Variants in CDH6 observed in about 807,000 individuals in gnomAD.
CDH6 encodes cadherin-6.
A neutral mutation model predicts 78.0 loss-of-function variants in CDH6; 31 were observed. That is an observed-to-expected ratio of 0.40 (90% CI 0.30 to 0.54). CDH6 has a LOEUF of 0.54. Ranked by LOEUF, CDH6 falls within the 20% of genes least tolerant of loss-of-function variation. The probability of loss-of-function intolerance (pLI) is 0.56; values close to 1 mark genes in which losing one functional copy is unlikely to be tolerated. For synonymous variants in CDH6, 376 were observed against 368.8 expected (o/e 1.02, Z -0.23); for missense variants, 724 against 975.9 (o/e 0.74, Z 3.44).
At chr5:31,269,832 CCTG>C (rs1742471194) in intron 2 of CDH6, among the ~76,000 whole-genome samples, 1 of 152,088 alleles carries the variant, frequency 6.6e-6, no homozygotes, top group Admixed American at 6.5e-5. Flanking sequence ...CCTGTCCTTC[CCTG>C]CTGCCCCTCC....
At chr5:31,225,141 G>A (rs1456270873) in intron 1 of CDH6, among the ~76,000 whole-genome samples, 1 of 152,202 alleles carries the variant, frequency 6.6e-6, no homozygotes, top group Non-Finnish European at 1.5e-5. Context: ...CTGAGGTTTT[G>A]AAACCCTGTT....
intron 1 of CDH6, among the ~76,000 whole-genome samples, chr5:31,220,847 G>T (rs936210674): frequency 2.6e-5 from 4 of 152,182 alleles, no homozygotes; most frequent in African/African-American, 2.4e-5. Flanking sequence ...GTCCCAGGAA[G>T]AGGGGTCAGC....
At chr5:31,313,796 TG>T (rs1738223905) in intron 8 of CDH6, among the ~76,000 whole-genome samples, 1 of 53,656 alleles carries the variant, frequency 1.9e-5, no homozygotes. Flanking sequence ...AGTCAGACAC[TG>T]TGTGTGGGGG....
intron 3 of CDH6, among the ~76,000 whole-genome samples, chr5:31,296,186 A>G (rs1038349420): frequency 3.3e-5 from 5 of 152,128 alleles, no homozygotes; most frequent in African/African-American, 4.8e-5. Context: ...TACCCCTTTC[A>G]TGGAAAGGGG....
intron 1 of CDH6, among the ~76,000 whole-genome samples, chr5:31,194,482 G>A (rs372347778): frequency 7.9e-5 from 12 of 152,314 alleles, no homozygotes; most frequent in African/African-American, 2.6e-4. Flanking sequence ...GATTTGGCTG[G>A]TAGAAGGAGC....
rs1738639871 is a variant in CDH6, at chr5:31,327,004, A to C, written c.*3696A>C. On this transcript the variant is annotated 3_prime_UTR_variant, in exon 12 of 12. Coordinates refer to ENST00000265071, the MANE Select transcript of CDH6 (RefSeq NM_004932.4). Reference sequence around the variant, plus strand: ...CCACCGCGCCCGGCCTTAAAAATTGAATCTGTAGCTTAGGCCATCCAAATT... The same window carrying C: ...CCACCGCGCCCGGCCTTAAAAATTGCATCTGTAGCTTAGGCCATCCAAATT... 1 of 174,510 alleles carries C rather than the reference A, an allele frequency of 5.7e-6. No homozygotes were observed. The highest frequency in any genetic ancestry group is 1.2e-5 in the Non-Finnish European group (1 of 80,870). The allele number at this position is 174,510 out of a possible 1,614,324, so 10.8% of individuals were successfully genotyped here.
intron 1 of CDH6, among the ~76,000 whole-genome samples, chr5:31,213,561 T>TA (rs2111812220): frequency 6.6e-6 from 1 of 152,294 alleles, no homozygotes; most frequent in South Asian, 2.1e-4. Context: ...TAAACAGGTT[T>TA]ATGCAGAATG....
In CDH6 at chr5:31,326,631, G is replaced by C. The variant is rs1334627479; in HGVS notation, c.*3323G>C. On this transcript the variant is annotated 3_prime_UTR_variant, in exon 12 of 12. Coordinates refer to ENST00000265071, the MANE Select transcript of CDH6 (RefSeq NM_004932.4). ...TTTTAACGCAGTATAAAAAACGTGTGGTTTAGTTTTTATTTTCAGCTCCCA... is the reference window on the plus strand; with the variant it reads ...TTTTAACGCAGTATAAAAAACGTGTCGTTTAGTTTTTATTTTCAGCTCCCA... 1 of 172,628 alleles carries C rather than the reference G, an allele frequency of 5.8e-6. No individual in the cohort carries two copies. Among genetic ancestry groups the C allele is most frequent in the African/African-American group, 2.4e-5 (1 of 40,902 alleles). The allele number at this position is 172,628 out of a possible 1,614,324, so 10.7% of individuals were successfully genotyped here.
At chr5:31,213,308 A>C (rs1261793347) in intron 1 of CDH6, among the ~76,000 whole-genome samples, 1 of 152,204 alleles carries the variant, frequency 6.6e-6, no homozygotes, top group African/African-American at 2.4e-5. Flanking sequence ...TGCAGAACGG[A>C]TGCATTTTAC....
Position 31,317,759 on chromosome 5 carries a change from A to G in CDH6, c.1717A>G (p.Asn573Asp), listed in dbSNP as rs1738366174. 6.2e-7 allele frequency: 1 copy of G among 1,614,080 alleles called. No individual in the cohort carries two copies. The highest frequency in any genetic ancestry group is 8.5e-7 in the Non-Finnish European group (1 of 1,180,048). Residue 573 changes from asparagine (N) to aspartate (D), a missense_variant, in exon 11 of 12, where the codon AAC becomes GAC. Transcript: ENST00000265071. ...TCTCTTGCCTGTGGTCATTTCAGAC[A>G]ACGACTACCCAGTTCAAAGCAGCAC... ...TYLLPVVISD[N>D]DYPVQSSTGT...
At chr5:31,223,087 A>G (rs770321689) in intron 1 of CDH6, among the ~76,000 whole-genome samples, 1 of 152,016 alleles carries the variant, frequency 6.6e-6, no homozygotes, top group Non-Finnish European at 1.5e-5. Context: ...CTCTCAAGCT[A>G]CACAGTGTCT....
At chr5:31,306,659 A>G (rs1738000464) in intron 7 of CDH6, among the ~76,000 whole-genome samples, 2 of 152,164 alleles carry the variant, frequency 1.3e-5, no homozygotes, top group Non-Finnish European at 1.5e-5. Flanking sequence ...CTTGCCAATG[A>G]GTTCACAAAT....
intron 3 of CDH6, 99 bp from the exon 4 acceptor site, chr5:31,297,190 A>G: frequency 9.7e-7 from 1 of 1,033,706 alleles, no homozygotes; most frequent in Non-Finnish European, 1.5e-6. Flanking sequence ...CCTCAGCATG[A>G]TATTTCCATA....
intron 1 of CDH6, among the ~76,000 whole-genome samples, chr5:31,240,123 T>C (rs2149918622): frequency 6.6e-6 from 1 of 152,304 alleles, no homozygotes; most frequent in South Asian, 2.1e-4. Flanking sequence ...TGTGGAATTC[T>C]GCTTTGTATA....
rs531438519 is a variant in CDH6, at chr5:31,272,762, C to T, written c.228+5061C>T. On this transcript the variant is annotated intron_variant, in intron 2 of 11. Transcript: ENST00000265071. The stretch of plus-strand genomic sequence containing the variant: ...TATACATAAGACCAGCCTCCACTAA[C>T]GCATTCGAGGTGCTTCTATTTTTAG... Among the ~76,000 whole-genome samples the T allele has an allele frequency of 1.4e-4, 21 of 152,300 alleles. No homozygotes were observed. In the East Asian group the frequency reaches 2.3e-3, roughly 17 times the overall value.
chr5:31,221,005 C>A (rs1318173005), intron 1 of CDH6, among the ~76,000 whole-genome samples: 5 of 152,202 alleles, frequency 3.3e-5, no homozygotes, highest in African/African-American at 4.8e-5. Context: ...TGAATTCTCA[C>A]CCTATCCTGG....
At position 31,326,681 on chromosome 5, in the gene CDH6, ATTTTT is replaced by A. The variant is rs202082546; in HGVS notation, c.*3397_*3401del. On this transcript the variant is annotated 3_prime_UTR_variant, in exon 12 of 12. Coordinates refer to ENST00000265071, the MANE Select transcript of CDH6 (RefSeq NM_004932.4). Reference sequence around the variant, plus strand: ...AAAGAGTTGTGCAGAAAATCTTAAAATTTTTTTTTTTTTTTTTTTTTTTTTTTTGA... The same window carrying A: ...AAAGAGTTGTGCAGAAAATCTTAAAATTTTTTTTTTTTTTTTTTTTTTTGA... 5.1e-4 allele frequency: 63 copies of A among 123,810 alleles called. No individual in the cohort carries two copies. The highest frequency in any genetic ancestry group is 4.3e-3 in the Middle Eastern group (1 of 232). 7.7% of individuals were successfully genotyped at this position (123,810 alleles called of 1,614,324 possible).
chr5:31,302,622 A>C (rs1187821244), intron 6 of CDH6, among the ~76,000 whole-genome samples: 1 of 150,412 alleles, frequency 6.6e-6, no homozygotes, highest in East Asian at 2.0e-4. Context: ...CTGAGGCAAG[A>C]GGATCGCTTG....
intron 2 of CDH6, among the ~76,000 whole-genome samples, chr5:31,279,863 C>T (rs1365664085): frequency 6.6e-6 from 1 of 152,114 alleles, no homozygotes; most frequent in Admixed American, 6.6e-5. Context: ...CTCCCAACCA[C>T]ATATATCATG....
Sources: allele counts gnomAD v4.1 joint callset (sites outside exome capture counted in the v4.1 genomes callset), GRCh38; gene constraint gnomAD v4.1.1; transcripts MANE v1.5; gene names NCBI Gene and HGNC (gene_info 2026-07-23, HGNC 2026-07-21).